The following ITPR1 variants were observed in gnomAD, a reference collection of about 807,000 sequenced individuals.
The protein encoded by ITPR1 is inositol 1,4,5-trisphosphate receptor type 1, also known as inositol 1,4,5-trisphosphate-gated calcium channel ITPR1.
In ITPR1, 96 loss-of-function variants were observed where a neutral mutation model predicts 318.4. That is an observed-to-expected ratio of 0.30 (90% CI 0.26 to 0.36). The LOEUF is 0.36. ITPR1 is among the 10% of genes least tolerant of loss of function. The pLI, the probability that ITPR1 is intolerant of heterozygous loss-of-function variation, is 1.00. For synonymous variants in ITPR1, 1,312 were observed against 1,289.9 expected (o/e 1.02, Z -0.37); for missense variants, 2,440 against 3,460.2 (o/e 0.71, Z 7.40).
chr3:4,783,822 C>G lies in ITPR1; in HGVS notation c.6517C>G (p.Arg2173Gly). 6.2e-7 allele frequency: 1 copy of G among 1,601,276 alleles called. No homozygotes were observed. Among genetic ancestry groups the G allele is most frequent in the Non-Finnish European group, 8.5e-7 (1 of 1,173,780 alleles). ...CTCTGTCCCTGTATTCTAGTTGGCT[C>G]GGCATAACAAAGAACTTCAGAGCAT... Reference protein sequence around the residue: ...NIYILAHQLARHNKELQSMLK... With the variant: ...NIYILAHQLAGHNKELQSMLK... Residue 2173 changes from arginine (R) to glycine (G), a missense_variant, in exon 51 of 62, where the codon CGG becomes GGG. Arg to Gly is a moderately radical substitution (Grantham distance 125, BLOSUM62 -2). Transcript: ENST00000649015.
At chr3:4,555,857 TTGTC>T (rs1484188076) in intron 4 of ITPR1, among the ~76,000 whole-genome samples, 1 of 152,252 alleles carries the variant, frequency 6.6e-6, no homozygotes, top group Non-Finnish European at 1.5e-5. Context: ...ATAAGGAGGC[TTGTC>T]TGTCTTATAG....
At chr3:4,629,984 C>G (rs193175098) in intron 5 of ITPR1, among the ~76,000 whole-genome samples, 3 of 152,220 alleles carry the variant, frequency 2.0e-5, no homozygotes, top group African/African-American at 7.2e-5. Flanking sequence ...CAGACATCCT[C>G]AATCCCAACA....
intron 60 of ITPR1, among the ~76,000 whole-genome samples, chr3:4,818,989 T>C (rs1372963010): frequency 6.6e-6 from 1 of 152,174 alleles, no homozygotes; most frequent in African/African-American, 2.4e-5. Flanking sequence ...CGAGGGAGTC[T>C]CTGTGATTCA....
chr3:4,509,066 C>A (rs1253673566), intron 2 of ITPR1, among the ~76,000 whole-genome samples: 2 of 152,190 alleles, frequency 1.3e-5, no homozygotes, highest in Non-Finnish European at 2.9e-5. Flanking sequence ...TTCAGACATA[C>A]AGAAAGTGAG....
intron 29 of ITPR1, 61 bp from the exon 30 acceptor site, chr3:4,685,008 T>C: frequency 6.4e-7 from 1 of 1,555,438 alleles, no homozygotes; most frequent in African/African-American, 1.4e-5. Context: ...CACCACCCTC[T>C]GCAATCTTTT....
intron 4 of ITPR1, among the ~76,000 whole-genome samples, chr3:4,541,712 G>A (rs529960239): frequency 2.0e-5 from 3 of 151,532 alleles, no homozygotes; most frequent in Non-Finnish European, 2.9e-5. Context: ...TGCAACCTCC[G>A]CCTCCCAGGT....
rs2093871995 is a variant in ITPR1 at position 4,663,055 on chromosome 3, T to C, written c.1413-10T>C. On this transcript the variant is annotated splice_polypyrimidine_tract_variant and intron_variant, in intron 15 of 61. Coordinates refer to ENST00000649015, the MANE Select transcript of ITPR1 (RefSeq NM_001378452.1). Reference sequence around the variant, plus strand: ...ACACATCTGTCTCTAATAGCGTCTTTCCTCCTAAGGTCTGTAACCAAGCTG... The same window carrying C: ...ACACATCTGTCTCTAATAGCGTCTTCCCTCCTAAGGTCTGTAACCAAGCTG... The C allele has an allele frequency of 6.2e-7, 1 of 1,613,068 alleles. No individual in the cohort carries two copies. The highest frequency in any genetic ancestry group is 8.5e-7 in the Non-Finnish European group (1 of 1,179,286).
intron 2 of ITPR1, among the ~76,000 whole-genome samples, chr3:4,506,007 CA>C (rs1483333344): frequency 2.6e-5 from 4 of 152,172 alleles, no homozygotes; most frequent in African/African-American, 4.8e-5. Context: ...AGAATTATAA[CA>C]GCCAATAGGA....
At chr3:4,522,226 G>T (rs1186319684) in intron 4 of ITPR1, among the ~76,000 whole-genome samples, 1 of 152,032 alleles carries the variant, frequency 6.6e-6, no homozygotes, top group Non-Finnish European at 1.5e-5. Context: ...CTGGAATTGG[G>T]GATGATTCTT....
rs984914141 is a variant in ITPR1, at chr3:4,834,461, C to T, written c.8029-2313C>T. 2.0e-5 allele frequency among the ~76,000 whole-genome samples: 3 copies of T among 152,224 alleles called. No individual in the cohort carries two copies. In the South Asian group the frequency reaches 6.2e-4, roughly 32 times the overall value. ...CAGCCACCGTGAGTATCCAGGGCCT[C>T]GTGCTAAGTGATCTCTCTGCAGCTG... On this transcript the variant is annotated intron_variant, in intron 60 of 61. Transcript: ENST00000649015.
chr3:4,592,746 C>A (rs779329469), intron 4 of ITPR1, among the ~76,000 whole-genome samples: 2 of 152,138 alleles, frequency 1.3e-5, no homozygotes, highest in Non-Finnish European at 2.9e-5. Context: ...AATGTCTTTG[C>A]CCTGTTTCTC....
At position 4,836,932 on chromosome 3, in the gene ITPR1, T is replaced by C. The variant is rs2050964614; in HGVS notation, c.8187T>C (p.Asp2729=). The stretch of plus-strand genomic sequence containing the variant: ...CTGGCCAGCTGTCGGAATTAAAGGA[T>C]CAGGTAAAGAAAGAAAATCCCAGCG... The part of the protein sequence containing the change: ...NLSGQLSELK[D]QMTEQRKQKQ... The change falls in exon 61 of 62, where the codon GAT becomes GAC. Residue 2729 remains aspartate (D), a synonymous_variant. Coordinates refer to ENST00000649015, the MANE Select transcript of ITPR1 (RefSeq NM_001378452.1). The C allele has an allele frequency of 6.3e-7, 1 of 1,581,466 alleles. No homozygotes were observed. Among genetic ancestry groups the C allele is most frequent in the Non-Finnish European group, 8.6e-7 (1 of 1,156,704 alleles).
At chr3:4,820,681 T>C (rs76467166) in intron 60 of ITPR1, among the ~76,000 whole-genome samples, 4,072 of 152,320 alleles carry the variant, frequency 0.027, 202 homozygotes, top group African/African-American at 0.093. Context: ...AATTCTTCTC[T>C]GAATGTTAAA....
intron 61 of ITPR1, among the ~76,000 whole-genome samples, chr3:4,839,978 C>G (rs1047805465): frequency 1.4e-5 from 2 of 140,646 alleles, no homozygotes; most frequent in Non-Finnish European, 3.0e-5. Context: ...CAGGATTGAT[C>G]TACTTAAGTT....
chr3:4,606,317 C>A (rs777674431), intron 4 of ITPR1, among the ~76,000 whole-genome samples: 6 of 152,086 alleles, frequency 3.9e-5, no homozygotes, highest in Non-Finnish European at 7.4e-5. Flanking sequence ...GGTGAGCTTA[C>A]AGCAGGATAG....
chr3:4,564,035 G>A (rs1479061092), intron 4 of ITPR1, among the ~76,000 whole-genome samples: 1 of 151,960 alleles, frequency 6.6e-6, no homozygotes, highest in Non-Finnish European at 1.5e-5. Context: ...TCCACCTCCG[G>A]GGTTCAAGCG....
At chr3:4,616,693 T>G (rs371833629) in intron 4 of ITPR1, among the ~76,000 whole-genome samples, 2 of 152,342 alleles carry the variant, frequency 1.3e-5, no homozygotes, top group East Asian at 3.9e-4. Context: ...GAAGGGACTA[T>G]GTTTAATTGC....
intron 2 of ITPR1, among the ~76,000 whole-genome samples, chr3:4,510,397 G>C (rs992027730): frequency 2.0e-5 from 3 of 152,178 alleles, no homozygotes; most frequent in Non-Finnish European, 4.4e-5. Flanking sequence ...AGATTGAGGA[G>C]GAAAGACAGA....
intron 47 of ITPR1, among the ~76,000 whole-genome samples, chr3:4,776,781 G>A (rs2046513443): frequency 6.6e-6 from 1 of 152,194 alleles, no homozygotes; most frequent in Non-Finnish European, 1.5e-5. Context: ...AGAGTGGATT[G>A]TGCTGCAAAC....
Sources: gnomAD v4.1 joint callset for allele counts (sites outside exome capture counted in the v4.1 genomes callset) on GRCh38, gnomAD v4.1.1 for gene constraint, MANE v1.5 for transcripts, NCBI Gene and HGNC (gene_info 2026-07-23, HGNC 2026-07-21) for gene names.